DTNA: variants seen among roughly 807,000 people sequenced by gnomAD.
The protein encoded by DTNA is dystrobrevin alpha, also known as dystrophin-related protein 3.
Under a neutral mutation model 100.7 loss-of-function variants are expected in DTNA, and 43 were observed. The observed-to-expected ratio is 0.43, with a 90% CI of 0.33 to 0.55. The LOEUF is 0.55. DTNA is among the 20% of genes least tolerant of loss of function. The pLI is 0.04. For synonymous variants in DTNA, 349 were observed against 347.9 expected (o/e 1.00, Z -0.04); for missense variants, 798 against 953.9 (o/e 0.84, Z 2.15).
chr18:34,889,949 G>A lies in DTNA; in HGVS notation c.*2215G>A. ...CTCTAGATGGAGCAGGTGGCCACTG[G>A]TGCCTCATACTCAGTATTGAAAACC... On this transcript the variant is annotated 3_prime_UTR_variant, in exon 23 of 23. Transcript: ENST00000444659. The A allele has an allele frequency of 9.4e-7, 1 of 1,061,504 alleles. No homozygotes were observed. Among genetic ancestry groups the A allele is most frequent in the Non-Finnish European group, 1.1e-6 (1 of 877,458 alleles). The allele number at this position is 1,061,504 out of a possible 1,614,324, so 65.8% of individuals were successfully genotyped here.
intron 15 of DTNA, 90 bp downstream of exon 15, chr18:34,852,018 A>G (rs1391016303): frequency 7.8e-7 from 1 of 1,277,802 alleles, no homozygotes; most frequent in East Asian, 2.5e-5. Context: ...AGGGCTTTAC[A>G]CCCTGTATGG....
At chr18:34,777,757 TG>T (rs2094130705) in intron 3 of DTNA, among the ~76,000 whole-genome samples, 1 of 152,146 alleles carries the variant, frequency 6.6e-6, no homozygotes, top group African/African-American at 2.4e-5. Context: ...GAGAACAGCA[TG>T]GGGGAAACTG....
chr18:34,590,980 G>A (rs1225599852), intron 1 of DTNA, among the ~76,000 whole-genome samples: 1 of 152,172 alleles, frequency 6.6e-6, no homozygotes, highest in African/African-American at 2.4e-5. Flanking sequence ...TAGCAGCAGA[G>A]ATAAAGTTGG....
intron 1 of DTNA, among the ~76,000 whole-genome samples, chr18:34,651,750 C>A (rs2060468848): frequency 6.6e-6 from 1 of 152,076 alleles, no homozygotes; most frequent in Admixed American, 6.6e-5. Flanking sequence ...ACTGTGGTTT[C>A]CTGGAAGAAG....
At chr18:34,517,710 C>A (rs1344081813) in intron 1 of DTNA, among the ~76,000 whole-genome samples, 2 of 152,024 alleles carry the variant, frequency 1.3e-5, no homozygotes, top group East Asian at 3.9e-4. Context: ...GTATGTAAAA[C>A]CCTTTGAGAT....
chr18:34,871,135 G>A lies in DTNA; in HGVS notation c.1744-4104G>A, dbSNP rs915641005. Among the ~76,000 whole-genome samples the A allele has an allele frequency of 4.6e-5, 7 of 152,290 alleles. No homozygotes were observed. In the East Asian group the frequency reaches 5.8e-4, roughly 13 times the overall value. ...GAGAGGCAGACTCTTCAGGTCTAGC[G>A]GGGAGGGGGATATATAATTCTCTGC... On this transcript the variant is annotated intron_variant, in intron 17 of 22. Transcript: ENST00000444659.
intron 22 of DTNA, among the ~76,000 whole-genome samples, chr18:34,885,138 G>T (rs2096909751): frequency 6.6e-6 from 1 of 152,112 alleles, no homozygotes; most frequent in African/African-American, 2.4e-5. Context: ...CACTTGAAAA[G>T]GAAAAGTCAG....
intron 1 of DTNA, among the ~76,000 whole-genome samples, chr18:34,698,013 C>G (rs184139249): frequency 1.7e-4 from 26 of 152,298 alleles, no homozygotes; most frequent in Admixed American, 1.4e-3. Flanking sequence ...TCATCATTCC[C>G]TTGACACACT....
intron 3 of DTNA, among the ~76,000 whole-genome samples, chr18:34,770,644 A>G (rs150737975): frequency 6.6e-6 from 1 of 152,340 alleles, no homozygotes; most frequent in East Asian, 1.9e-4. Context: ...CATGAACTAA[A>G]TGAGGCCCAG....
chr18:34,861,391 C>T (rs1323709171), intron 16 of DTNA, among the ~76,000 whole-genome samples: 1 of 141,718 alleles, frequency 7.1e-6, no homozygotes, highest in Non-Finnish European at 1.5e-5. Context: ...GAGGCTGAGA[C>T]AGGAGAATGG....
intron 1 of DTNA, among the ~76,000 whole-genome samples, chr18:34,618,271 A>T (rs908838449): frequency 6.6e-6 from 1 of 152,188 alleles, no homozygotes; most frequent in Non-Finnish European, 1.5e-5. Context: ...TTGCCAGCCT[A>T]AAGTATCTCA....
intron 3 of DTNA, among the ~76,000 whole-genome samples, chr18:34,793,029 A>G (rs1262270488): frequency 6.6e-6 from 1 of 152,230 alleles, no homozygotes; most frequent in Non-Finnish European, 1.5e-5. Flanking sequence ...TAAAAAAGAG[A>G]AAACTATTGA....
At chr18:34,567,559 A>T (rs1316964185) in intron 1 of DTNA, among the ~76,000 whole-genome samples, 1 of 152,164 alleles carries the variant, frequency 6.6e-6, no homozygotes, top group African/African-American at 2.4e-5. Flanking sequence ...AAGCATATAC[A>T]AAATCTGATT....
At chr18:34,885,601 A>G (rs1373360383) in intron 22 of DTNA, among the ~76,000 whole-genome samples, 1 of 152,204 alleles carries the variant, frequency 6.6e-6, no homozygotes, top group Non-Finnish European at 1.5e-5. Flanking sequence ...TATACAACAT[A>G]TTGCATAATA....
intron 22 of DTNA, 24 bp downstream of exon 22, chr18:34,884,800 G>T: frequency 6.2e-7 from 1 of 1,612,046 alleles, no homozygotes; most frequent in South Asian, 1.1e-5. Flanking sequence ...TATTTAGGAG[G>T]AATCATGGCC....
chr18:34,700,104 C>T lies in DTNA; in HGVS notation c.-1-55872C>T, dbSNP rs149129737. 1.4e-3 allele frequency among the ~76,000 whole-genome samples: 206 copies of T among 152,310 alleles called. 1 individual carries two copies. The highest frequency in any genetic ancestry group is 4.4e-3 in the African/African-American group (184 of 41,574). On this transcript the variant is annotated intron_variant, in intron 1 of 19. Transcript: ENST00000283365. Reference sequence around the variant, plus strand: ...ATAGATCACAGAGAAAAGAGCTTAACTTTGACCACCATAGAACTCTAATTG... The same window carrying T: ...ATAGATCACAGAGAAAAGAGCTTAATTTTGACCACCATAGAACTCTAATTG...
At chr18:34,840,403 C>T (rs2096246822) in intron 13 of DTNA, among the ~76,000 whole-genome samples, 1 of 152,006 alleles carries the variant, frequency 6.6e-6, no homozygotes, top group East Asian at 1.9e-4. Flanking sequence ...TTGTATTGGT[C>T]ATCTTTGAAG....
chr18:34,576,166 A>G (rs533128522), intron 1 of DTNA, among the ~76,000 whole-genome samples: 2 of 152,320 alleles, frequency 1.3e-5, no homozygotes, highest in South Asian at 4.1e-4. Context: ...TAATGCTCAC[A>G]GAGCTGCATG....
chr18:34,696,097 C>A (rs1236170236), intron 1 of DTNA, among the ~76,000 whole-genome samples: 1 of 152,162 alleles, frequency 6.6e-6, no homozygotes, highest in African/African-American at 2.4e-5. Flanking sequence ...CAGCTTGAAG[C>A]ATACCCAGTG....
Sources: gnomAD v4.1 joint callset for allele counts (sites outside exome capture counted in the v4.1 genomes callset) on GRCh38, gnomAD v4.1.1 for gene constraint, MANE v1.5 for transcripts, NCBI Gene and HGNC (gene_info 2026-07-23, HGNC 2026-07-21) for gene names.